RNF144A: variants seen among roughly 807,000 people sequenced by gnomAD.
RNF144A encodes the protein ring finger protein 144A.
A neutral mutation model predicts 38.7 loss-of-function variants in RNF144A; 11 were observed. The observed-to-expected ratio is 0.28, with a 90% CI of 0.18 to 0.47. RNF144A has a LOEUF of 0.47. RNF144A is among the 20% of genes least tolerant of loss of function. RNF144A has a pLI of 0.99. For missense variants in RNF144A, 316 were observed against 377.2 expected (o/e 0.84, Z 1.34); for synonymous variants, 149 against 143.9 (o/e 1.04, Z -0.25).
At chr2:7,021,580 G>T (rs1176715805) in intron 6 of RNF144A, among the ~76,000 whole-genome samples, 1 of 152,200 alleles carries the variant, frequency 6.6e-6, no homozygotes, top group Non-Finnish European at 1.5e-5. Flanking sequence ...CTTCAGGTGG[G>T]GATCACATCC....
intron 3 of RNF144A, among the ~76,000 whole-genome samples, chr2:7,006,427 CA>C (rs1467402624): frequency 1.3e-5 from 2 of 152,160 alleles, no homozygotes; most frequent in East Asian, 3.9e-4. Context: ...GGGACACTGA[CA>C]GGTGTGTCAC....
downstream of RNF144A, among the ~76,000 whole-genome samples, chr2:7,046,416 A>G (rs1413169104): frequency 6.6e-6 from 1 of 152,242 alleles, no homozygotes; most frequent in East Asian, 1.9e-4. Context: ...GCCACATCGC[A>G]GGAGGGTGAC....
intron 6 of RNF144A, among the ~76,000 whole-genome samples, chr2:7,060,325 A>G (rs140720382): frequency 4.6e-5 from 7 of 151,762 alleles, no homozygotes; most frequent in Admixed American, 4.6e-4. Context: ...CTGCGTTCCC[A>G]GAAATATTTC....
At chr2:7,008,336 C>A (rs576069746) in intron 3 of RNF144A, among the ~76,000 whole-genome samples, 1 of 152,198 alleles carries the variant, frequency 6.6e-6, no homozygotes, top group Non-Finnish European at 1.5e-5. Context: ...GCTGCAGGCC[C>A]GGCTGCAGGT....
At chr2:7,030,972 G>T (rs556833062) in intron 8 of RNF144A, among the ~76,000 whole-genome samples, 12 of 152,162 alleles carry the variant, frequency 7.9e-5, no homozygotes, top group Admixed American at 6.6e-4. Flanking sequence ...TTCACAACAG[G>T]GTTCGTGCTC....
chr2:7,024,420 G>T lies in RNF144A; in HGVS notation c.561G>T (p.Lys187Asn). Residue 187 changes from lysine to asparagine, a missense_variant, in exon 7 of 9, where the codon AAG becomes AAT. Lys to Asn is a moderately conservative substitution (Grantham distance 94, BLOSUM62 0). Transcript: ENST00000320892. ...ACGCGCCCATCAAGCGCTGCCCCAA[G>T]TGCAAAGTCTACATCGAGCGAGACG... ...EDDAPIKRCP[K>N]CKVYIERDEG... 6.2e-7 allele frequency: 1 copy of T among 1,612,678 alleles called. No individual in the cohort carries two copies. Among genetic ancestry groups the T allele is most frequent in the Non-Finnish European group, 8.5e-7 (1 of 1,178,666 alleles).
intron 6 of RNF144A, among the ~76,000 whole-genome samples, chr2:7,056,759 C>G (rs572093162): frequency 3.2e-4 from 49 of 152,326 alleles, no homozygotes; most frequent in Middle Eastern, 3.4e-3. Flanking sequence ...TGGTCTCCCC[C>G]CCAGTTGTGG....
downstream of RNF144A, chr2:7,044,283 A>T (rs1673213792): frequency 2.5e-6 from 2 of 803,030 alleles, no homozygotes; most frequent in Middle Eastern, 6.3e-4. Flanking sequence ...GAAGATTGAA[A>T]ATATTCAATG....
At chr2:7,073,053 C>T (rs1674536859), downstream of RNF144A, among the ~76,000 whole-genome samples, 1 of 152,206 alleles carries the variant, frequency 6.6e-6, no homozygotes, top group Non-Finnish European at 1.5e-5. Flanking sequence ...TCTCCAGCCT[C>T]ACCTGTCTAT....
Position 7,041,466 on chromosome 2 carries a change from T to C in RNF144A, c.*1706T>C, listed in dbSNP as rs1558458687. 4 of 985,844 alleles carry C rather than the reference T, an allele frequency of 4.1e-6. No individual in the cohort carries two copies. Among genetic ancestry groups the C allele is most frequent in the Non-Finnish European group, 4.8e-6 (4 of 829,950 alleles). 61.1% of individuals were successfully genotyped at this position (985,844 alleles called of 1,614,324 possible). ...TACATTCAAAAAGCTCTCCTTGTAA[T>C]TGCAAGTTTAGTAACTCAGTAAGAA... On this transcript the variant is annotated 3_prime_UTR_variant, in exon 9 of 9. Transcript: ENST00000320892.
At chr2:7,056,250 G>T (rs982958410) in intron 6 of RNF144A, among the ~76,000 whole-genome samples, 2 of 152,050 alleles carry the variant, frequency 1.3e-5, no homozygotes, top group African/African-American at 4.8e-5. Context: ...CTCCTTCGAA[G>T]GTCTCTCTAT....
At chr2:7,037,179 T>C (rs1672736825) in intron 8 of RNF144A, among the ~76,000 whole-genome samples, 1 of 152,188 alleles carries the variant, frequency 6.6e-6, no homozygotes, top group African/African-American at 2.4e-5. Context: ...CCTGTCTCAT[T>C]TTTTACTGCT....
At chr2:6,934,433 G>A (rs998259782) in intron 1 of RNF144A, among the ~76,000 whole-genome samples, 30 of 151,988 alleles carry the variant, frequency 2.0e-4, no homozygotes, top group Admixed American at 9.8e-4. Context: ...TCCCAGTTTC[G>A]TTACTTACTT....
At chr2:7,050,870 G>C (rs1673493157) in intron 6 of RNF144A, among the ~76,000 whole-genome samples, 1 of 152,244 alleles carries the variant, frequency 6.6e-6, no homozygotes, top group African/African-American at 2.4e-5. Flanking sequence ...TCCCAGTGCT[G>C]TCAGGACCAC....
chr2:6,979,009 G>A (rs574285398), intron 2 of RNF144A, among the ~76,000 whole-genome samples: 21 of 152,350 alleles, frequency 1.4e-4, no homozygotes, highest in African/African-American at 4.3e-4. Flanking sequence ...GAGCTCATCT[G>A]CACTTGGTGG....
At chr2:7,075,721 A>AT in the RNF144A span, among the ~76,000 whole-genome samples, 2 of 152,214 alleles carry the variant, frequency 1.3e-5, no homozygotes, top group African/African-American at 2.4e-5. Flanking sequence ...TAAATTACCC[A>AT]GTCTCAGGTG....
chr2:7,049,206 C>A (rs1673423999), intron 6 of RNF144A, among the ~76,000 whole-genome samples: 1 of 152,068 alleles, frequency 6.6e-6, no homozygotes. Flanking sequence ...GCCTTCCAGG[C>A]AGAGGAGGGT....
At chr2:7,006,042 C>A in intron 3 of RNF144A, among the ~76,000 whole-genome samples, 1 of 151,186 alleles carries the variant, frequency 6.6e-6, no homozygotes, top group South Asian at 2.1e-4. Flanking sequence ...TAATGAAAAG[C>A]ATTTTTTCCT....
chr2:7,066,590 C>T (rs561190873), intron 6 of RNF144A, among the ~76,000 whole-genome samples: 3 of 152,270 alleles, frequency 2.0e-5, no homozygotes, highest in African/African-American at 7.2e-5. Flanking sequence ...TAACAGTACA[C>T]AATTGAAAAC....
Sources: gnomAD v4.1 joint callset for allele counts (sites outside exome capture counted in the v4.1 genomes callset) on GRCh38, gnomAD v4.1.1 for gene constraint, MANE v1.5 for transcripts, NCBI Gene and HGNC (gene_info 2026-07-23, HGNC 2026-07-21) for gene names.